The following MAGI1 variants were observed in gnomAD, a reference collection of about 807,000 sequenced individuals.
The protein encoded by MAGI1 is membrane-associated guanylate kinase, WW and PDZ domain-containing protein 1.
A neutral mutation model predicts 139.9 loss-of-function variants in MAGI1; 58 were observed. The ratio of observed to expected loss-of-function variants is 0.41; its 90% CI spans 0.34 to 0.52. MAGI1 has a LOEUF of 0.52. Ranked by LOEUF, MAGI1 falls within the 20% of genes least tolerant of loss-of-function variation. The probability of loss-of-function intolerance (pLI) is 0.12; values close to 1 mark genes in which losing one functional copy is unlikely to be tolerated. For synonymous variants in MAGI1, 812 were observed against 737.9 expected, an observed-to-expected ratio of 1.10 and a Z score of -1.63; for missense variants, 1,874 against 1,901.6, an observed-to-expected ratio of 0.99 and a Z score of 0.27.
chr3:65,462,251 G>C (rs1268738142), intron 5 of MAGI1, among the ~76,000 whole-genome samples: 1 of 152,118 alleles, frequency 6.6e-6, no homozygotes, highest in Non-Finnish European at 1.5e-5. Flanking sequence ...TATGGTTTTA[G>C]GTCTTATGTT....
At chr3:65,894,582 T>C (rs1445018895) in intron 1 of MAGI1, among the ~76,000 whole-genome samples, 2 of 152,222 alleles carry the variant, frequency 1.3e-5, no homozygotes, top group African/African-American at 2.4e-5. Flanking sequence ...GTTGTTGTAA[T>C]TGAGGATTCG....
At chr3:65,906,881 G>T (rs1288497235) in intron 1 of MAGI1, among the ~76,000 whole-genome samples, 1 of 143,256 alleles carries the variant, frequency 7.0e-6, no homozygotes, top group Non-Finnish European at 1.5e-5. Context: ...GCAAGACTCT[G>T]TCTTAAAAAA....
intron 1 of MAGI1, among the ~76,000 whole-genome samples, chr3:65,915,257 C>T (rs2061846122): frequency 6.6e-6 from 1 of 152,204 alleles, no homozygotes; most frequent in Non-Finnish European, 1.5e-5. Flanking sequence ...CACATTTGAA[C>T]AGCAGCTTGT....
chr3:65,772,956 G>A (rs547789732), intron 1 of MAGI1, among the ~76,000 whole-genome samples: 12 of 152,276 alleles, frequency 7.9e-5, no homozygotes, highest in African/African-American at 2.9e-4. Flanking sequence ...AAGCACAGAG[G>A]TCATGAGGTC....
chr3:65,523,424 G>A (rs562299494), intron 2 of MAGI1, among the ~76,000 whole-genome samples: 15 of 146,134 alleles, frequency 1.0e-4, no homozygotes, highest in South Asian at 4.5e-4. Context: ...AGAGGGAGGC[G>A]AAGAGAGGGA....
At chr3:65,749,467 G>C (rs1028084296) in intron 1 of MAGI1, among the ~76,000 whole-genome samples, 2 of 152,096 alleles carry the variant, frequency 1.3e-5, no homozygotes, top group Admixed American at 6.6e-5. Flanking sequence ...TGGGAGCTAA[G>C]CTATGAGGAT....
intron 1 of MAGI1, among the ~76,000 whole-genome samples, chr3:65,757,237 G>T (rs1193257636): frequency 6.6e-6 from 1 of 152,160 alleles, no homozygotes; most frequent in African/African-American, 2.4e-5. Context: ...CCATTCCAGA[G>T]GACCAAAACT....
intron 1 of MAGI1, among the ~76,000 whole-genome samples, chr3:65,622,552 CTTTT>C (rs141522579): frequency 6.6e-6 from 1 of 151,948 alleles, no homozygotes; most frequent in Non-Finnish European, 1.5e-5. Context: ...TTTACTACAG[CTTTT>C]TTTATTTTTT....
intron 1 of MAGI1, among the ~76,000 whole-genome samples, chr3:65,900,420 A>AG (rs1350145167): frequency 6.6e-6 from 1 of 152,250 alleles, no homozygotes; most frequent in African/African-American, 2.4e-5. Context: ...TAAAAGAGTC[A>AG]TGTATTATTT....
chr3:65,499,630 A>T (rs897427909), intron 2 of MAGI1, among the ~76,000 whole-genome samples: 2 of 152,224 alleles, frequency 1.3e-5, no homozygotes, highest in African/African-American at 4.8e-5. Context: ...CTCAAAAAAA[A>T]AAAAGAATGG....
chr3:65,959,798 C>CTTTTTTT lies in MAGI1; in HGVS notation c.313+78191_313+78197dup, dbSNP rs33978400. 1.5e-3 allele frequency among the ~76,000 whole-genome samples: 93 copies of CTTTTTTT among 60,270 alleles called. 8 individuals carry two copies. Among genetic ancestry groups the CTTTTTTT allele is most frequent in the Middle Eastern group, 0.019 (1 of 54 alleles). 39.5% of individuals were successfully genotyped at this position (60,270 alleles called of 152,430 possible). A position where few individuals can be genotyped will look rare whatever the true frequency, so the allele number is the denominator to read the frequency against. On this transcript the variant is annotated intron_variant, in intron 1 of 22. Transcript: ENST00000402939. ...TAATGGACAAATAAATAAATTCTCT[C>CTTTTTTT]TTTTTTTTTTTTTTTTTTTTTTTTT...
At chr3:65,959,796 CTCTTT>C (rs2064327849) in intron 1 of MAGI1, among the ~76,000 whole-genome samples, 1 of 94,862 alleles carries the variant, frequency 1.1e-5, no homozygotes, top group Non-Finnish European at 2.3e-5. Flanking sequence ...AATAAATTCT[CTCTTT>C]TTTTTTTTTT....
chr3:65,805,609 A>T (rs1406952458), intron 1 of MAGI1, among the ~76,000 whole-genome samples: 1 of 152,234 alleles, frequency 6.6e-6, no homozygotes, highest in Non-Finnish European at 1.5e-5. Context: ...GAGGAATATA[A>T]ATCATTCTAT....
At chr3:65,490,843 CA>C (rs5849677) in intron 3 of MAGI1, among the ~76,000 whole-genome samples, 6 of 64,754 alleles carry the variant, frequency 9.3e-5, no homozygotes, top group African/African-American at 3.7e-4. Context: ...GACTCTGTCT[CA>C]AAAAAAAAAA....
intron 1 of MAGI1, among the ~76,000 whole-genome samples, chr3:65,654,176 T>C (rs1327520266): frequency 1.3e-5 from 2 of 152,170 alleles, no homozygotes; most frequent in African/African-American, 4.8e-5. Flanking sequence ...TAACATTAAA[T>C]TGTTTTAGAA....
chr3:65,577,510 C>G (rs2081226976), intron 2 of MAGI1, among the ~76,000 whole-genome samples: 1 of 152,176 alleles, frequency 6.6e-6, no homozygotes, highest in African/African-American at 2.4e-5. Flanking sequence ...GCACTCCCTT[C>G]AATTCTGTGC....
chr3:65,928,946 G>A (rs571795931), intron 1 of MAGI1, among the ~76,000 whole-genome samples: 1 of 152,174 alleles, frequency 6.6e-6, no homozygotes, highest in East Asian at 1.9e-4. Context: ...ATGATAATGG[G>A]TGGGCAGGAC....
Position 65,493,622 on chromosome 3 carries a change from C to G in MAGI1, c.440G>C (p.Arg147Pro), listed in dbSNP as rs775563326. The G allele has an allele frequency of 6.2e-7, 1 of 1,614,034 alleles. No individual in the cohort carries two copies. The highest frequency in any genetic ancestry group is 8.5e-7 in the Non-Finnish European group (1 of 1,179,996). ...LYRHAVPCTT[R>P]SPREGEVPGV... ...AGGCACTTCTCCTTCTCTGGGAGAT[C>G]GGGTTGTGCCTGTAGCAGAAAATAC... The change falls in exon 3 of 23, where the codon CGA becomes CCA. Residue 147 changes from arginine to proline, a missense_variant. Coordinates refer to ENST00000402939, the MANE Select transcript of MAGI1 (RefSeq NM_001033057.2).
intron 1 of MAGI1, among the ~76,000 whole-genome samples, chr3:65,690,384 T>A (rs762714606): frequency 2.0e-5 from 3 of 152,230 alleles, no homozygotes; most frequent in Non-Finnish European, 4.4e-5. Flanking sequence ...CTGACACTTT[T>A]AAAGAAAGTC....
Sources: allele counts gnomAD v4.1 joint callset (sites outside exome capture counted in the v4.1 genomes callset), GRCh38; gene constraint gnomAD v4.1.1; transcripts MANE v1.5; gene names NCBI Gene and HGNC (gene_info 2026-07-23, HGNC 2026-07-21).